Variants in ATM observed in about 807,000 individuals in gnomAD.
ATM encodes the protein serine-protein kinase ATM.
In ATM, 308 loss-of-function variants were observed where a neutral mutation model predicts 387.0. The observed-to-expected ratio is 0.80, with a 90% confidence interval of 0.73 to 0.87. ATM has a LOEUF of 0.87. ATM is among the 40% of genes least tolerant of loss of function. The pLI is 0.00. For synonymous variants in ATM, 1,156 were observed against 1,187.3 expected, an observed-to-expected ratio of 0.97 and a Z score of 0.54; for missense variants, 3,312 against 3,560.9, an observed-to-expected ratio of 0.93 and a Z score of 1.78.
At chr11:108,357,277 C>A (rs1343885198) in intron 61 of ATM, among the ~76,000 whole-genome samples, 1 of 152,236 alleles carries the variant, frequency 6.6e-6, no homozygotes, top group Non-Finnish European at 1.5e-5. Flanking sequence ...TATCCCGCAG[C>A]TGGCTTGGAG....
chr11:108,343,509 A>C (rs951586647), intron 57 of ATM, 138 bp downstream of exon 57: 83 of 1,025,270 alleles, frequency 8.1e-5, no homozygotes, highest in Non-Finnish European at 1.0e-4. Context: ...TAAAAGAAAA[A>C]CTCATCAGAA....
At chr11:108,312,264 A>G in intron 39 of ATM, 147 bp from the exon 40 acceptor site, 1 of 634,958 alleles carries the variant, frequency 1.6e-6, no homozygotes, top group Non-Finnish European at 2.9e-6. Context: ...CTAGGTATAA[A>G]TGGTATTATG....
In ATM at chr11:108,257,549, T is replaced by C; in HGVS notation, c.2319T>C (p.Ile773=). 1.2e-6 allele frequency: 2 copies of C among 1,614,062 alleles called. No homozygotes were observed. Among genetic ancestry groups the C allele is most frequent in the East Asian group, 2.2e-5 (1 of 44,870 alleles). ...FKNKTNEEFR[I]GSLRNMMQLC... ...ATAAGACAAATGAGGAATTCAGAAT[T>C]GGTTCCTTGAGAAATATGATGCAGC... Residue 773 remains isoleucine (I), a synonymous_variant, in exon 15 of 63, where the codon ATT becomes ATC. Transcript: ENST00000675843.
At chr11:108,353,669 A>G in intron 59 of ATM, 97 bp from the exon 60 acceptor site, 1 of 947,532 alleles carries the variant, frequency 1.1e-6, no homozygotes, top group Non-Finnish European at 1.7e-6. Context: ...AACGTAGGTA[A>G]CATGTGGTTT....
At position 108,320,086 on chromosome 11, in the gene ATM, T is replaced by C. The variant is rs555582922; in HGVS notation, c.6452+28T>C. 12 of 1,485,650 alleles carry C rather than the reference T, an allele frequency of 8.1e-6. No individual in the cohort carries two copies. In the South Asian group the frequency reaches 1.4e-4, roughly 17 times the overall value. The allele number at this position is 1,485,650 out of a possible 1,614,324, so 92.0% of individuals were successfully genotyped here. On this transcript the variant is annotated intron_variant, in intron 44 of 62. Transcript: ENST00000675843. Reference sequence around the variant, plus strand: ...ATTATGAAAAGACAAAGTTACTGTATTTTAACATTTAATGTCATGGCTTCT... The same window carrying C: ...ATTATGAAAAGACAAAGTTACTGTACTTTAACATTTAATGTCATGGCTTCT...
intron 60 of ATM, 77 bp from the exon 61 acceptor site, chr11:108,354,734 T>A (rs150515345): frequency 8.2e-7 from 1 of 1,223,880 alleles, no homozygotes; most frequent in Middle Eastern, 2.0e-4. Flanking sequence ...ATACTACACA[T>A]GAGAGTATAC....
intron 61 of ATM, 78 bp downstream of exon 61, chr11:108,354,952 T>A (rs2137363519): frequency 8.6e-7 from 1 of 1,158,840 alleles, no homozygotes; most frequent in Non-Finnish European, 1.3e-6. Context: ...GTCACTGATG[T>A]GAAGAGCACT....
At position 108,326,065 on chromosome 11, in the gene ATM, A is replaced by G. The variant is rs1565520129; in HGVS notation, c.6815A>G (p.Glu2272Gly). The G allele has an allele frequency of 6.2e-7, 1 of 1,614,070 alleles. No individual in the cohort carries two copies. Among genetic ancestry groups the G allele is most frequent in the South Asian group, 1.1e-5 (1 of 91,084 alleles). ...ATGTCATTTTCATTTCAGCTCCCTG[A>G]AAGGGCAATATTTCAAATTAAACAG... The part of the protein sequence containing the change: ...ARTFKNTQLP[E>G]RAIFQIKQYN... Residue 2272 changes from glutamate (E) to glycine (G), a missense_variant, in exon 47 of 63, where the codon GAA becomes GGA. Transcript: ENST00000675843.
rs576179904 is a variant in ATM at position 108,335,778 on chromosome 11, C to CAGATA, written c.8152-63_8152-62insAAGAT. The CAGATA allele has an allele frequency of 2.7e-4, 357 of 1,313,214 alleles. 3 individuals carry two copies. In the South Asian group the frequency reaches 4.1e-3, roughly 15 times the overall value. 81.3% of individuals were successfully genotyped at this position (1,313,214 alleles called of 1,614,324 possible). The stretch of plus-strand genomic sequence containing the variant: ...TGGTTTGAGTGCCCTTTGCTATTCT[C>CAGATA]AGATGACTCTGTGTTTTTATAATAA... On this transcript the variant is annotated intron_variant, in intron 55 of 62. Coordinates refer to ENST00000675843, the MANE Select transcript of ATM (RefSeq NM_000051.4).
At chr11:108,237,899 G>GTTTTTTTTTTTTTTTTTTTTTTTTTTTTT (rs369161623) in intron 5 of ATM, among the ~76,000 whole-genome samples, 5 of 92,046 alleles carry the variant, frequency 5.4e-5, no homozygotes, top group Non-Finnish European at 5.9e-5. Flanking sequence ...ATTTACTTAG[G>GTTTTTTTTTTTTTTTTTTTTTTTTTTTTT]TTTTTTTTTT....
intron 16 of ATM, among the ~76,000 whole-genome samples, chr11:108,266,273 G>A (rs1405067254): frequency 1.3e-5 from 2 of 151,556 alleles, no homozygotes; most frequent in African/African-American, 4.8e-5. Context: ...AGAAACTGTG[G>A]CACATATACA....
chr11:108,272,430 A>C (rs1192046652), intron 20 of ATM, 102 bp from the exon 21 acceptor site: 1 of 987,806 alleles, frequency 1.0e-6, no homozygotes, highest in African/African-American at 1.6e-5. Context: ...AGTTTAGCAC[A>C]GAAAGACATA....
chr11:108,329,291 G>A (rs1335394917), intron 49 of ATM, 53 bp downstream of exon 49: 1 of 1,481,990 alleles, frequency 6.7e-7, no homozygotes, highest in African/African-American at 1.4e-5. Flanking sequence ...AACTGAGTGA[G>A]TGTTTTTGCA....
At chr11:108,298,594 T>C (rs1186054010) in intron 33 of ATM, among the ~76,000 whole-genome samples, 1 of 152,170 alleles carries the variant, frequency 6.6e-6, no homozygotes, top group Non-Finnish European at 1.5e-5. Context: ...AAAATTAATG[T>C]GGTTTGTTCT....
chr11:108,258,996 A>G lies in ATM; in HGVS notation c.2387A>G (p.Asn796Ser), dbSNP rs1555076612. The G allele has an allele frequency of 1.2e-6, 2 of 1,613,540 alleles. No homozygotes were observed. Among genetic ancestry groups the G allele is most frequent in the Non-Finnish European group, 8.5e-7 (1 of 1,179,642 alleles). ...TTGTCTTAATTGCAGAAGAGTCCAAATAAGATTGCATCTGGCTTTTTCCTG... is the reference window on the plus strand; with the variant it reads ...TTGTCTTAATTGCAGAAGAGTCCAAGTAAGATTGCATCTGGCTTTTTCCTG... ...CLSNCTKKSPNKIASGFFLRL... is the reference protein window; with the variant it reads ...CLSNCTKKSPSKIASGFFLRL... The change falls in exon 16 of 63, where the codon AAT (asparagine) becomes AGT (serine). Residue 796 changes from asparagine to serine, a missense_variant. Coordinates refer to ENST00000675843, the MANE Select transcript of ATM (RefSeq NM_000051.4).
chr11:108,280,630 C>T (rs556624592), intron 23 of ATM, among the ~76,000 whole-genome samples: 2 of 152,204 alleles, frequency 1.3e-5, no homozygotes, highest in South Asian at 4.1e-4. Flanking sequence ...AATCCAATTA[C>T]ACTGTTTTAG....
chr11:108,293,281 C>A, intron 30 of ATM, 32 bp from the exon 31 acceptor site: 6 of 1,301,854 alleles, frequency 4.6e-6, no homozygotes, highest in Non-Finnish European at 5.3e-6. Context: ...TATTTCTCTC[C>A]TTATAATTTT....
chr11:108,334,959 C>A lies in ATM; in HGVS notation c.8011-10C>A. On this transcript the variant is annotated splice_polypyrimidine_tract_variant and intron_variant, in intron 54 of 62. Coordinates refer to ENST00000675843, the MANE Select transcript of ATM (RefSeq NM_000051.4). ...TGACCTATTATCAATCATGTTTATA[C>A]TTTTATTAGGTGGACCACACAGGAG... The A allele has an allele frequency of 6.2e-7, 1 of 1,610,398 alleles. No homozygotes were observed. Among genetic ancestry groups the A allele is most frequent in the Non-Finnish European group, 8.5e-7 (1 of 1,176,764 alleles).
At chr11:108,350,771 T>C (rs450294) in intron 59 of ATM, among the ~76,000 whole-genome samples, 151,836 of 152,310 alleles carry the variant, frequency 1, 75,683 homozygotes, top group Middle Eastern at 1. Context: ...GTCTGGAAGA[T>C]GCAAATTAGA....
Sources: allele counts gnomAD v4.1 joint callset (sites outside exome capture counted in the v4.1 genomes callset), GRCh38; gene constraint gnomAD v4.1.1; transcripts MANE v1.5; gene names NCBI Gene and HGNC (gene_info 2026-07-23, HGNC 2026-07-21).